ASTN2: variants seen among roughly 807,000 people sequenced by gnomAD.
ASTN2 encodes the protein astrotactin 2, also known as astrotactin-2.
Under a neutral mutation model 139.8 loss-of-function variants are expected in ASTN2, and 54 were observed. The observed-to-expected ratio is 0.39, with a 90% CI of 0.31 to 0.48. The LOEUF is 0.48. ASTN2 is among the 20% of genes least tolerant of loss of function. ASTN2 has a pLI of 0.95. For missense variants in ASTN2, 1,565 were observed against 1,725.1 expected (o/e 0.91, Z 1.64); for synonymous variants, 756 against 719.5 (o/e 1.05, Z -0.81).
intron 1 of ASTN2, among the ~76,000 whole-genome samples, chr9:117,364,980 CACACACACACACACACACAA>C (rs1443654632): frequency 4.1e-5 from 6 of 146,650 alleles, no homozygotes; most frequent in Admixed American, 6.9e-5. Flanking sequence ...CACACACACA[CACACACACACACACACACAA>C]AATCAGCCAT....
At chr9:117,001,217 C>G (rs1018290710) in intron 7 of ASTN2, among the ~76,000 whole-genome samples, 7 of 152,212 alleles carry the variant, frequency 4.6e-5, no homozygotes, top group African/African-American at 1.7e-4. Flanking sequence ...AGTGCTTTGA[C>G]TCCATGACTC....
Position 116,820,745 on chromosome 9 carries a change from G to C in ASTN2, c.2079C>G (p.Gly693=). 6.2e-7 allele frequency: 1 copy of C among 1,614,140 alleles called. No individual in the cohort carries two copies. Among genetic ancestry groups the C allele is most frequent in the South Asian group, 1.1e-5 (1 of 91,066 alleles). ...EELKPMKDGS[G]CYDHSKGIDC... ...CAATGCCTTTGGAGTGGTCGTAGCAGCCAGAGCCATCCTTCATGGGTTTCA... is the reference window on the plus strand; with the variant it reads ...CAATGCCTTTGGAGTGGTCGTAGCACCCAGAGCCATCCTTCATGGGTTTCA... The change falls in exon 12 of 23, where the codon GGC becomes GGG. Residue 693 remains glycine, a synonymous_variant. Coordinates refer to ENST00000313400, the MANE Select transcript of ASTN2 (RefSeq NM_001365068.1).
chr9:117,016,638 A>AGTT (rs1564385953), intron 6 of ASTN2, among the ~76,000 whole-genome samples: 2 of 33,258 alleles, frequency 6.0e-5, no homozygotes, highest in South Asian at 7.8e-4. Flanking sequence ...ATATATATAT[A>AGTT]TATATATATA....
intron 1 of ASTN2, among the ~76,000 whole-genome samples, chr9:117,407,087 G>A (rs1831015793): frequency 6.6e-6 from 1 of 152,152 alleles, no homozygotes; most frequent in Admixed American, 6.5e-5. Context: ...CTGGTGCAGA[G>A]GGGTCAGAAA....
chr9:117,240,487 T>G (rs1833172998), intron 2 of ASTN2, among the ~76,000 whole-genome samples: 1 of 151,960 alleles, frequency 6.6e-6, no homozygotes. Flanking sequence ...AAACATAAGG[T>G]TGGTATGACT....
chr9:117,306,209 G>A (rs1409055865), intron 1 of ASTN2, among the ~76,000 whole-genome samples: 1 of 152,080 alleles, frequency 6.6e-6, no homozygotes, highest in Non-Finnish European at 1.5e-5. Context: ...TCTAAACTTA[G>A]AGTAGACTTT....
intron 4 of ASTN2, among the ~76,000 whole-genome samples, chr9:117,114,860 G>T (rs532927858): frequency 6.6e-6 from 1 of 152,272 alleles, no homozygotes; most frequent in South Asian, 2.1e-4. Context: ...ATTTTGGAGA[G>T]CCCACATGTA....
rs780235488 is a variant in ASTN2, at chr9:116,651,686, C to T, written c.2914G>A (p.Gly972Ser). The T allele has an allele frequency of 1.7e-5, 28 of 1,614,122 alleles. No individual in the cohort carries two copies. The Admixed American group carries it at 4.3e-4, about 25-fold the overall frequency. ...QMLSDDQLIS[G>S]VEIRCEEKGR... ...TTCTCCTCACAGCGAATCTCCACACCTGAAATGAGCTGGTCATCTGACAGC... is the reference window on the plus strand; with the variant it reads ...TTCTCCTCACAGCGAATCTCCACACTTGAAATGAGCTGGTCATCTGACAGC... Residue 972 changes from glycine (G) to serine (S), a missense_variant, in exon 17 of 23, where the codon GGT (glycine) becomes AGT (serine). By Grantham distance (56) the Gly-to-Ser change is moderately conservative. Coordinates refer to ENST00000313400, the MANE Select transcript of ASTN2 (RefSeq NM_001365068.1).
chr9:117,233,766 A>C (rs773688093), intron 2 of ASTN2, among the ~76,000 whole-genome samples: 1 of 152,222 alleles, frequency 6.6e-6, no homozygotes, highest in South Asian at 2.1e-4. Flanking sequence ...GAGACTGACC[A>C]AGGAAGAAAG....
chr9:117,352,047 T>C (rs1411035874), intron 1 of ASTN2, among the ~76,000 whole-genome samples: 1 of 152,198 alleles, frequency 6.6e-6, no homozygotes, highest in Non-Finnish European at 1.5e-5. Context: ...TTCCCAACAT[T>C]TGAGTCCATT....
At chr9:117,042,056 T>C (rs1838592567) in intron 5 of ASTN2, among the ~76,000 whole-genome samples, 1 of 152,188 alleles carries the variant, frequency 6.6e-6, no homozygotes. Context: ...ACTGGCTCAT[T>C]GCAGAATCTC....
chr9:116,744,365 G>A (rs944812325), intron 13 of ASTN2, among the ~76,000 whole-genome samples: 6 of 152,090 alleles, frequency 3.9e-5, no homozygotes, highest in African/African-American at 4.8e-5. Flanking sequence ...TCATTCTAAG[G>A]GTAAGGAGAC....
intron 19 of ASTN2, among the ~76,000 whole-genome samples, chr9:116,615,012 TAA>T (rs1855765723): frequency 6.6e-6 from 1 of 152,016 alleles, no homozygotes; most frequent in Admixed American, 6.6e-5. Context: ...ACAAAGAACT[TAA>T]ACAAATTTAG....
chr9:117,000,157 C>A (rs890268621), intron 7 of ASTN2, among the ~76,000 whole-genome samples: 7 of 152,136 alleles, frequency 4.6e-5, no homozygotes, highest in Non-Finnish European at 8.8e-5. Flanking sequence ...TCCACTGCAC[C>A]AGTGCATTTT....
intron 3 of ASTN2, among the ~76,000 whole-genome samples, chr9:117,212,832 A>G (rs1248384717): frequency 6.6e-6 from 1 of 152,162 alleles, no homozygotes; most frequent in Non-Finnish European, 1.5e-5. Flanking sequence ...ATACACTGTC[A>G]TGCGAATGTA....
chr9:117,272,754 G>C (rs548561809), intron 2 of ASTN2, among the ~76,000 whole-genome samples: 1 of 152,276 alleles, frequency 6.6e-6, no homozygotes, highest in East Asian at 1.9e-4. Context: ...AGTCACCTTT[G>C]CACCAGTTCC....
At position 117,115,752 on chromosome 9, in the gene ASTN2, G is replaced by A. The variant is rs183520863; in HGVS notation, c.1169-19601C>T. ...AATAAGAGACAATTGCTGGCCGGGCGCGGTGGCTCACACCTGTAATCCCAG... is the reference window on the plus strand; with the variant it reads ...AATAAGAGACAATTGCTGGCCGGGCACGGTGGCTCACACCTGTAATCCCAG... On this transcript the variant is annotated intron_variant, in intron 4 of 22. Transcript: ENST00000313400. Among the ~76,000 whole-genome samples, 141 of 152,006 alleles carry A rather than the reference G, an allele frequency of 9.3e-4. 1 individual carries two copies. The highest frequency in any genetic ancestry group is 2.8e-3 in the African/African-American group (118 of 41,454).
Position 117,039,861 on chromosome 9 carries a change from C to G in ASTN2, c.1381G>C (p.Val461Leu). Residue 461 changes from valine (V) to leucine (L), a missense_variant, in exon 6 of 23, where the codon GTG (valine) becomes CTG (leucine). Physicochemically the swap from Val to Leu is conservative, Grantham distance 32 (BLOSUM62 1). This residue lies in a region of ASTN2 where 503 missense variants were observed against 591.7 expected (regional missense o/e 0.85). Coordinates refer to ENST00000313400, the MANE Select transcript of ASTN2 (RefSeq NM_001365068.1). ...TCGGGCACATGCAGAGTCACCTTCA[C>G]AGTGAGTGGACAAGACATCTGGCTG... ...CGSQMSCPLTVKVTLHVPEHF... is the reference protein window; with the variant it reads ...CGSQMSCPLTLKVTLHVPEHF... 6.2e-7 allele frequency: 1 copy of G among 1,613,778 alleles called. No homozygotes were observed. Among genetic ancestry groups the G allele is most frequent in the South Asian group, 1.1e-5 (1 of 91,062 alleles).
chr9:116,504,306 G>T (rs537580486), intron 19 of ASTN2: 2 of 152,072 alleles, frequency 1.3e-5, no homozygotes, highest in Admixed American at 6.6e-5. Flanking sequence ...AAACCTGTGC[G>T]ACTGCATCTG....
Sources: gnomAD v4.1 joint callset for allele counts (sites outside exome capture counted in the v4.1 genomes callset) on GRCh38, gnomAD v4.1.1 for gene constraint, gnomAD v4.1.1 regional missense constraint, MANE v1.5 for transcripts, NCBI Gene and HGNC (gene_info 2026-07-23, HGNC 2026-07-21) for gene names.